DNAH1: variants seen among roughly 807,000 people sequenced by gnomAD.
The protein encoded by DNAH1 is axonemal beta dynein heavy chain 1.
In DNAH1, 327 loss-of-function variants were observed where a neutral mutation model predicts 484.3. That is an observed-to-expected ratio of 0.68 (90% CI 0.62 to 0.74). The LOEUF (loss-of-function observed/expected upper bound fraction) is 0.74. Among genes scored for constraint, DNAH1 ranks in the 30% least tolerant of loss-of-function variants. The pLI is 0.00. For missense variants in DNAH1, 5,052 were observed against 5,546.8 expected, an observed-to-expected ratio of 0.91 and a Z score of 2.83; for synonymous variants, 2,192 against 2,191.9, an observed-to-expected ratio of 1.00 and a Z score of 0.00.
intron 17 of DNAH1, 95 bp from the exon 18 acceptor site, chr3:52,352,457 C>T (rs1165217114): frequency 6.7e-6 from 10 of 1,489,206 alleles, no homozygotes; most frequent in East Asian, 4.6e-5. Flanking sequence ...GAGGAGTGGA[C>T]GTCCTGGGAC....
Position 52,350,430 on chromosome 3 carries a change from G to A in DNAH1, c.2647-78G>A, listed in dbSNP as rs190367359. 1.3e-4 allele frequency: 180 copies of A among 1,381,738 alleles called. No homozygotes were observed. In the Admixed American group the frequency reaches 2.5e-3, roughly 19 times the overall value. 85.6% of individuals were successfully genotyped at this position (1,381,738 alleles called of 1,614,324 possible). ...AGAGAGCAGCCCCTCTCTAGTACCC[G>A]TCTCTGGGGAGCCAGGTTCCGATTA... is the stretch of plus-strand genomic sequence containing the variant. On this transcript the variant is annotated intron_variant, in intron 15 of 77. Coordinates refer to ENST00000420323, the MANE Select transcript of DNAH1 (RefSeq NM_015512.5).
At chr3:52,348,862 C>T in intron 12 of DNAH1, 26 bp from the exon 13 acceptor site, 1 of 1,607,172 alleles carries the variant, frequency 6.2e-7, no homozygotes, top group Non-Finnish European at 8.5e-7. Context: ...TCCAGGTCTG[C>T]CCTGCCACAT....
Position 52,383,918 on chromosome 3 carries a change from T to C in DNAH1, c.8209T>C (p.Cys2737Arg). 6.2e-7 allele frequency: 1 copy of C among 1,613,608 alleles called. No homozygotes were observed. Among genetic ancestry groups the C allele is most frequent in the Non-Finnish European group, 8.5e-7 (1 of 1,179,686 alleles). ...LRQFPSLVNC[C>R]TIDWFNEWPA... ...GCAGTTTCCCTCCCTGGTCAACTGC[T>C]GTACCATCGACTGGTTTAACGAGTG... Residue 2737 changes from cysteine (C) to arginine (R), a missense_variant, in exon 52 of 78, where the codon TGT becomes CGT. By Grantham distance (180) the Cys-to-Arg change is radical (BLOSUM62 -3). Transcript: ENST00000420323.
In DNAH1 at chr3:52,396,444, C is replaced by A. The variant is rs750988078; in HGVS notation, c.11336C>A (p.Ser3779Tyr). The A allele has an allele frequency of 6.3e-6, 10 of 1,595,482 alleles. No individual in the cohort carries two copies. The highest frequency in any genetic ancestry group is 8.5e-6 in the Non-Finnish European group (10 of 1,171,452). The change falls in exon 71 of 78, where the codon TCC (serine) becomes TAC (tyrosine). Residue 3779 changes from serine to tyrosine, a missense_variant. Ser to Tyr is a moderately radical substitution (Grantham distance 144). Transcript: ENST00000420323. ...KFPVSILQNGSKMTIEPPRGV... is the reference protein window; with the variant it reads ...KFPVSILQNGYKMTIEPPRGV... ...CCAGTGTCCATCCTGCAGAACGGCT[C>A]CAAGATGACCATTGAGCCGCCACGC...
chr3:52,372,479 G>C (rs1578163136), intron 43 of DNAH1, 92 bp downstream of exon 43: 2 of 1,527,102 alleles, frequency 1.3e-6, no homozygotes, highest in East Asian at 4.7e-5. Context: ...TTATGCTCCT[G>C]GGTTTGCCAG....
chr3:52,343,365 G>A lies in DNAH1; in HGVS notation c.1287-1125G>A, dbSNP rs760019660. ...CTTGCTGGGCTTTTCCTGAGAGCAGGGCATGCCTTCTACCCTGGCAGAAGG... is the reference window on the plus strand; with the variant it reads ...CTTGCTGGGCTTTTCCTGAGAGCAGAGCATGCCTTCTACCCTGGCAGAAGG... On this transcript the variant is annotated intron_variant, in intron 8 of 77. Coordinates refer to ENST00000420323, the MANE Select transcript of DNAH1 (RefSeq NM_015512.5). 2.0e-4 allele frequency among the ~76,000 whole-genome samples: 31 copies of A among 152,064 alleles called. 1 individual carries two copies. The highest frequency in any genetic ancestry group is 1.5e-4 in the Non-Finnish European group (10 of 67,996).
intron 16 of DNAH1, among the ~76,000 whole-genome samples, chr3:52,351,493 G>A (rs548228481): frequency 6.6e-6 from 1 of 152,274 alleles, no homozygotes; most frequent in South Asian, 2.1e-4. Flanking sequence ...TAGGCCAGCT[G>A]CAGGTGGAAG....
rs1704562840 is a variant in DNAH1 at position 52,395,131 on chromosome 3, C to T, written c.10968+72C>T. The T allele has an allele frequency of 1.9e-6, 3 of 1,542,344 alleles. No homozygotes were observed. In the African/African-American group the frequency reaches 4.1e-5, roughly 21 times the overall value. Reference sequence around the variant, plus strand: ...ACCCTGGGTCCCAGGGCCCTGGCTGCATCTGGATAGACTACTTGGCCAGGC... The same window carrying T: ...ACCCTGGGTCCCAGGGCCCTGGCTGTATCTGGATAGACTACTTGGCCAGGC... On this transcript the variant is annotated intron_variant, in intron 68 of 77. Coordinates refer to ENST00000420323, the MANE Select transcript of DNAH1 (RefSeq NM_015512.5). The surrounding 1 kb of genome is among the most constrained non-coding windows in gnomAD (Gnocchi z 4.4).
chr3:52,313,032 C>T (rs1027687457), upstream of DNAH1, among the ~76,000 whole-genome samples: 1 of 152,152 alleles, frequency 6.6e-6, no homozygotes, highest in Non-Finnish European at 1.5e-5. Flanking sequence ...AATGATCCGC[C>T]CACCTCGGCC....
chr3:52,332,345 A>G lies in DNAH1; in HGVS notation c.1237A>G (p.Lys413Glu), dbSNP rs748518794. 4.3e-6 allele frequency: 7 copies of G among 1,613,910 alleles called. No homozygotes were observed. Among genetic ancestry groups the G allele is most frequent in the Non-Finnish European group, 5.9e-6 (7 of 1,179,904 alleles). Residue 413 changes from lysine (K) to glutamate (E), a missense_variant, in exon 8 of 78, where the codon AAG becomes GAG. Transcript: ENST00000420323. ...TGTCATCAGTGAACAGAGCCTGAGC[A>G]AGATCAAGCAGTGGGCCCTGAGCAC... is the stretch of plus-strand genomic sequence containing the variant. The part of the protein sequence containing the change: ...QHVISEQSLS[K>E]IKQWALSTPR...
rs377327173 is a variant in DNAH1 at position 52,326,899 on chromosome 3, G to A, written c.738+8G>A. 2.4e-5 allele frequency: 38 copies of A among 1,610,258 alleles called. No homozygotes were observed. The highest frequency in any genetic ancestry group is 2.9e-5 in the Non-Finnish European group (34 of 1,177,962). On this transcript the variant is annotated splice_region_variant and intron_variant, in intron 5 of 77. Coordinates refer to ENST00000420323, the MANE Select transcript of DNAH1 (RefSeq NM_015512.5). ...ATCTACCTCCCACTGAAGGTGAGCC[G>A]GGCTTCCACAGATGGTTGAGAGACA... is the stretch of plus-strand genomic sequence containing the variant.
chr3:52,382,332 G>A lies in DNAH1; in HGVS notation c.7818G>A (p.Glu2606=), dbSNP rs1269650906. The A allele has an allele frequency of 6.2e-7, 1 of 1,613,888 alleles. No homozygotes were observed. The change falls in exon 50 of 78, where the codon GAG becomes GAA. Residue 2606 remains glutamate (E), a synonymous_variant. Coordinates refer to ENST00000420323, the MANE Select transcript of DNAH1 (RefSeq NM_015512.5). The part of the protein sequence containing the change: ...TRLASHMAEY[E]CFQIELSKNY... ...CTTCTGCCTCCAGGGCCGAGTACGA[G>A]TGCTTCCAGATTGAACTATCCAAGA...
At chr3:52,320,100 G>A (rs1701090635) in intron 1 of DNAH1, among the ~76,000 whole-genome samples, 1 of 152,230 alleles carries the variant, frequency 6.6e-6, no homozygotes, top group Non-Finnish European at 1.5e-5. Flanking sequence ...AGGAAGTCAT[G>A]GAATGGAATG....
intron 50 of DNAH1, 130 bp downstream of exon 50, chr3:52,382,585 C>G (rs967871661): frequency 9.7e-6 from 14 of 1,439,478 alleles, no homozygotes; most frequent in Admixed American, 2.2e-5. Context: ...AAGAGACCAC[C>G]AGGACCAGGT....
rs555661049 is a variant in DNAH1, at chr3:52,326,309, C to A, written c.576C>A (p.Ile192=). Residue 192 remains isoleucine, a synonymous_variant, in exon 4 of 78, where the codon ATC becomes ATA. Transcript: ENST00000420323. Reference sequence around the variant, plus strand: ...GCCAGCATCCTCGCAAGATTGAGATCGAGAGGTACGGCTGGGTGGGCTGTG... The same window carrying A: ...GCCAGCATCCTCGCAAGATTGAGATAGAGAGGTACGGCTGGGTGGGCTGTG... ...LPGQHPRKIE[I]ERRKQQYLSL... 390 of 1,605,202 alleles carry A rather than the reference C, an allele frequency of 2.4e-4. 1 individual carries two copies. In the South Asian group the frequency reaches 4.0e-3, roughly 16 times the overall value.
At chr3:52,344,670 G>A (rs769853019) in intron 9 of DNAH1, 23 bp downstream of exon 9, 1 of 1,604,912 alleles carries the variant, frequency 6.2e-7, no homozygotes, top group South Asian at 1.1e-5. Context: ...GGACCAAGAT[G>A]GGCTCCATGG....
At position 52,361,696 on chromosome 3, in the gene DNAH1, G is replaced by A; in HGVS notation, c.4910G>A (p.Arg1637His). 3 of 1,611,002 alleles carry A rather than the reference G, an allele frequency of 1.9e-6. No individual in the cohort carries two copies. The highest frequency in any genetic ancestry group is 1.1e-5 in the South Asian group (1 of 90,250). Reference sequence around the variant, plus strand: ...TGGGCCTGCTTCGACGAGTTCAATCGCATCGACATCGAGGTGCTGTCTGTG... The same window carrying A: ...TGGGCCTGCTTCGACGAGTTCAATCACATCGACATCGAGGTGCTGTCTGTG... The part of the protein sequence containing the change: ...GAWACFDEFN[R>H]IDIEVLSVVA... Residue 1637 changes from arginine (R) to histidine (H), a missense_variant, in exon 30 of 78, where the codon CGC becomes CAC. Transcript: ENST00000420323. This position sits in a 1 kb window ranked among gnomAD's most constrained non-coding sequence, Gnocchi z 5.6.
intron 43 of DNAH1, 114 bp downstream of exon 43, chr3:52,372,501 G>T (rs954971748): frequency 1.4e-6 from 2 of 1,433,076 alleles, no homozygotes; most frequent in African/African-American, 2.8e-5. Context: ...AACCTCCCAG[G>T]GGGAGCTGAC....
intron 1 of DNAH1, among the ~76,000 whole-genome samples, 189 bp downstream of exon 1, chr3:52,316,734 G>T (rs1167158505): frequency 1.3e-5 from 2 of 152,182 alleles, no homozygotes; most frequent in Admixed American, 6.5e-5. Flanking sequence ...GTCCAGTTCA[G>T]TTCCAGACAC....
Sources: allele counts gnomAD v4.1 joint callset (sites outside exome capture counted in the v4.1 genomes callset), GRCh38; gene constraint gnomAD v4.1.1; non-coding constraint Gnocchi (gnomAD v3.1); transcripts MANE v1.5; gene names NCBI Gene and HGNC (gene_info 2026-07-23, HGNC 2026-07-21).